Variants in MGAT4C observed in about 807,000 individuals in gnomAD.
MGAT4C encodes the protein MGAT4 family member C.
A neutral mutation model predicts 40.1 loss-of-function variants in MGAT4C; 19 were observed. The ratio of observed to expected loss-of-function variants is 0.47; its 90% confidence interval spans 0.33 to 0.70. The LOEUF (loss-of-function observed/expected upper bound fraction) is 0.70, where lower values mean the gene tolerates loss of function less well. Ranked by LOEUF, MGAT4C falls within the 30% of genes least tolerant of loss-of-function variation. The pLI is 0.02. For missense variants in MGAT4C, 491 were observed against 563.2 expected (o/e 0.87, Z 1.30); for synonymous variants, 181 against 187.1 (o/e 0.97, Z 0.27).
intron 2 of MGAT4C, among the ~76,000 whole-genome samples, chr12:86,476,349 TA>T (rs905735706): frequency 3.9e-5 from 6 of 152,214 alleles, no homozygotes; most frequent in African/African-American, 1.4e-4. Context: ...TCCACATCAC[TA>T]ATCATCAGAG....
intron 4 of MGAT4C, among the ~76,000 whole-genome samples, chr12:86,293,057 G>T (rs562451898): frequency 1.3e-5 from 2 of 152,056 alleles, no homozygotes; most frequent in South Asian, 2.1e-4. Flanking sequence ...TGTTCTAAAC[G>T]TTAGTACGAC....
chr12:86,129,319 CT>C (rs1223392356), intron 1 of MGAT4C, among the ~76,000 whole-genome samples: 1 of 152,094 alleles, frequency 6.6e-6, no homozygotes, highest in Non-Finnish European at 1.5e-5. Context: ...TTATTTATTA[CT>C]TTTCAAGGAA....
intron 3 of MGAT4C, among the ~76,000 whole-genome samples, chr12:86,353,641 A>C (rs1187975722): frequency 6.6e-6 from 1 of 152,184 alleles, no homozygotes; most frequent in Non-Finnish European, 1.5e-5. Context: ...CTGCATTTCC[A>C]TGGTGGAGAC....
chr12:86,369,750 C>A (rs1186340789), intron 3 of MGAT4C, among the ~76,000 whole-genome samples: 1 of 151,888 alleles, frequency 6.6e-6, no homozygotes, highest in Non-Finnish European at 1.5e-5. Context: ...TAATGCATTG[C>A]TTTTTTATTG....
intron 2 of MGAT4C, among the ~76,000 whole-genome samples, chr12:86,703,873 C>A (rs530821177): frequency 1.3e-5 from 2 of 152,126 alleles, no homozygotes; most frequent in African/African-American, 4.8e-5. Flanking sequence ...CTTAAATATT[C>A]GGAATCTATC....
intron 1 of MGAT4C, among the ~76,000 whole-genome samples, chr12:86,061,976 C>T (rs1372888645): frequency 1.3e-5 from 2 of 152,160 alleles, no homozygotes; most frequent in East Asian, 3.9e-4. Context: ...CCCTCCCTGA[C>T]AGCTCTGAAG....
At chr12:86,315,185 A>G (rs1372908997) in intron 4 of MGAT4C, among the ~76,000 whole-genome samples, 2 of 152,138 alleles carry the variant, frequency 1.3e-5, no homozygotes, top group Non-Finnish European at 2.9e-5. Context: ...ACGAAACAGA[A>G]TGGAGAACCA....
At chr12:86,742,984 T>C (rs1404404973) in intron 1 of MGAT4C, among the ~76,000 whole-genome samples, 1 of 149,744 alleles carries the variant, frequency 6.7e-6, no homozygotes, top group Non-Finnish European at 1.5e-5. Flanking sequence ...TATGTATATA[T>C]GTGTGTGTGT....
At chr12:86,538,608 CTT>C (rs71078909) in intron 2 of MGAT4C, among the ~76,000 whole-genome samples, 15 of 138,308 alleles carry the variant, frequency 1.1e-4, no homozygotes, top group African/African-American at 1.3e-4. Flanking sequence ...TGTAATACTT[CTT>C]TTTTTTTTTT....
intron 1 of MGAT4C, among the ~76,000 whole-genome samples, chr12:86,826,797 T>TG (rs915302129): frequency 6.1e-4 from 93 of 151,368 alleles, no homozygotes; most frequent in African/African-American, 1.8e-3. Context: ...AAAAAAGAAA[T>TG]GGGGGGAGGT....
At chr12:86,541,353 T>C (rs540424724) in intron 2 of MGAT4C, among the ~76,000 whole-genome samples, 1 of 152,286 alleles carries the variant, frequency 6.6e-6, no homozygotes, top group South Asian at 2.1e-4. Flanking sequence ...AACATAAAAT[T>C]TGTGGACTAC....
intron 1 of MGAT4C, among the ~76,000 whole-genome samples, chr12:86,089,657 C>T (rs1872531744): frequency 6.6e-6 from 1 of 151,754 alleles, no homozygotes; most frequent in Non-Finnish European, 1.5e-5. Flanking sequence ...CATCTTTTTA[C>T]CATTTAAGCT....
At chr12:86,254,713 A>C (rs1330031523) in intron 1 of MGAT4C, among the ~76,000 whole-genome samples, 11 of 152,036 alleles carry the variant, frequency 7.2e-5, no homozygotes, top group Admixed American at 5.9e-4. Flanking sequence ...GAATATACCA[A>C]CTTAAATTTT....
At chr12:86,318,981 T>C (rs61950701) in intron 4 of MGAT4C, among the ~76,000 whole-genome samples, 83 of 152,304 alleles carry the variant, frequency 5.4e-4, no homozygotes, top group Non-Finnish European at 1.0e-3. Context: ...CCCACTCTTC[T>C]CATTTTGCCT....
intron 1 of MGAT4C, among the ~76,000 whole-genome samples, chr12:86,218,430 C>T (rs1950753601): frequency 1.3e-5 from 2 of 152,076 alleles, no homozygotes; most frequent in Middle Eastern, 6.8e-3. Flanking sequence ...CTTGAGACAC[C>T]TCAAAAGGCT....
At chr12:86,739,475 T>C (rs1951032921) in intron 1 of MGAT4C, among the ~76,000 whole-genome samples, 1 of 150,892 alleles carries the variant, frequency 6.6e-6, no homozygotes, top group Non-Finnish European at 1.5e-5. Flanking sequence ...TAGCCCTCCA[T>C]ATACATGGGT....
At chr12:86,373,657 T>C (rs968953262) in intron 3 of MGAT4C, among the ~76,000 whole-genome samples, 1 of 151,838 alleles carries the variant, frequency 6.6e-6, no homozygotes, top group African/African-American at 2.4e-5. Flanking sequence ...AAAATAGTTT[T>C]TTTTTTTTTT....
chr12:86,158,334 T>C (rs1039974798), intron 1 of MGAT4C, among the ~76,000 whole-genome samples: 7 of 152,186 alleles, frequency 4.6e-5, no homozygotes, highest in African/African-American at 9.6e-5. Context: ...ATTTTTTACC[T>C]TTTAGAGATG....
At chr12:86,389,911 TATG>T (rs1384838034) in intron 3 of MGAT4C, among the ~76,000 whole-genome samples, 8 of 152,352 alleles carry the variant, frequency 5.3e-5, no homozygotes, top group Admixed American at 1.3e-4. Flanking sequence ...TGCATGTGGT[TATG>T]ATATTTGTTT....
Sources: allele counts gnomAD v4.1 joint callset (sites outside exome capture counted in the v4.1 genomes callset), GRCh38; gene constraint gnomAD v4.1.1; transcripts MANE v1.5; gene names NCBI Gene and HGNC (gene_info 2026-07-23, HGNC 2026-07-21).